PCDHA2: variants seen among roughly 807,000 people sequenced by gnomAD.
PCDHA2 encodes protocadherin alpha-2.
Under a neutral mutation model 66.0 loss-of-function variants are expected in PCDHA2, and 58 were observed. The ratio of observed to expected loss-of-function variants is 0.88; its 90% CI spans 0.71 to 1.09. The LOEUF is 1.09. Among genes scored for constraint, PCDHA2 ranks in the 50% least tolerant of loss-of-function variants. The pLI is 0.00. For synonymous variants in PCDHA2, 634 were observed against 554.0 expected (o/e 1.14, Z -2.03); for missense variants, 1,267 against 1,242.3 (o/e 1.02, Z -0.30).
chr5:140,925,108 G>GGAAGGAAGGAAGGAA (rs1554202548), intron 1 of PCDHA2, among the ~76,000 whole-genome samples: 36 of 124,780 alleles, frequency 2.9e-4, no homozygotes, highest in African/African-American at 1.2e-3. Context: ...GAAGGAAGGA[G>GGAAGGAAGGAAGGAA]GGAAGGAAGG....
intron 1 of PCDHA2, among the ~76,000 whole-genome samples, chr5:140,873,389 T>C (rs2054266406): frequency 6.6e-6 from 1 of 152,220 alleles, no homozygotes; most frequent in Admixed American, 6.5e-5. Flanking sequence ...GACTTGGGAA[T>C]GTTTTCAGTA....
chr5:140,895,905 G>A (rs987746254), intron 1 of PCDHA2, among the ~76,000 whole-genome samples: 4 of 152,076 alleles, frequency 2.6e-5, no homozygotes, highest in Admixed American at 1.3e-4. Context: ...TCCGCGTCCC[G>A]GGCTCAACAA....
chr5:140,922,605 A>G (rs1328283001), intron 1 of PCDHA2, among the ~76,000 whole-genome samples: 2 of 152,258 alleles, frequency 1.3e-5, no homozygotes, highest in African/African-American at 4.8e-5. Flanking sequence ...AGTTGAAGAT[A>G]TATTAAAACT....
chr5:140,927,245 A>G (rs1197319664), intron 1 of PCDHA2: 6 of 1,613,948 alleles, frequency 3.7e-6, no homozygotes, highest in South Asian at 2.2e-5. Flanking sequence ...CTGGACACCA[A>G]TGACAACTCA....
In PCDHA2 at chr5:140,795,597, A is replaced by G; in HGVS notation, c.633A>G (p.Leu211=). 6.2e-7 allele frequency: 1 copy of G among 1,614,128 alleles called. No homozygotes were observed. The highest frequency in any genetic ancestry group is 8.5e-7 in the Non-Finnish European group (1 of 1,180,016). The change falls in exon 1 of 4, where the codon TTA becomes TTG. Residue 211 remains leucine, a synonymous_variant. Transcript: ENST00000526136. ...DREETAEVNL[L]LVATDGGKPE... Reference sequence around the variant, plus strand: ...AGGAAACTGCTGAGGTTAATTTGTTACTGGTGGCTACTGATGGGGGCAAAC... The same window carrying G: ...AGGAAACTGCTGAGGTTAATTTGTTGCTGGTGGCTACTGATGGGGGCAAAC...
rs782435677 is a variant in PCDHA2 at position 140,795,093 on chromosome 5, C to G, written c.129C>G (p.Thr43=). 2 of 1,614,026 alleles carry G rather than the reference C, an allele frequency of 1.2e-6. No homozygotes were observed. The highest frequency in any genetic ancestry group is 1.7e-5 in the Admixed American group (1 of 60,026). The part of the protein sequence containing the change: ...YSVPEEAKHG[T]FVGRIAQDLG... ...TCCCCGAGGAGGCCAAACACGGCACCTTCGTGGGCCGCATCGCGCAGGACC... is the reference window on the plus strand; with the variant it reads ...TCCCCGAGGAGGCCAAACACGGCACGTTCGTGGGCCGCATCGCGCAGGACC... The change falls in exon 1 of 4, where the codon ACC becomes ACG. Residue 43 remains threonine, a synonymous_variant. Coordinates refer to ENST00000526136, the MANE Select transcript of PCDHA2 (RefSeq NM_018905.3).
At chr5:140,853,957 G>C in intron 1 of PCDHA2, 1 of 736,982 alleles carries the variant, frequency 1.4e-6, no homozygotes. Flanking sequence ...TCCCTTCCTT[G>C]AGCCCAGCAG....
At chr5:140,963,531 TTTAC>T (rs1391697303) in intron 1 of PCDHA2, among the ~76,000 whole-genome samples, 2 of 152,218 alleles carry the variant, frequency 1.3e-5, no homozygotes, top group African/African-American at 4.8e-5. Flanking sequence ...AGAAGTCCCA[TTTAC>T]TTCATGATAT....
At chr5:140,834,300 C>T (rs111598234) in intron 1 of PCDHA2, 1 of 1,283,798 alleles carries the variant, frequency 7.8e-7, no homozygotes, top group Non-Finnish European at 1.1e-6. Context: ...GGCCACACAT[C>T]GAGATTGAAA....
chr5:140,981,794 T>G (rs1290588653), intron 2 of PCDHA2, among the ~76,000 whole-genome samples: 2 of 152,150 alleles, frequency 1.3e-5, no homozygotes, highest in Non-Finnish European at 2.9e-5. Flanking sequence ...CTCTTTTCCC[T>G]TGAACAGTTT....
At chr5:140,975,847 C>T (rs895067113) in intron 1 of PCDHA2, among the ~76,000 whole-genome samples, 1 of 152,100 alleles carries the variant, frequency 6.6e-6, no homozygotes, top group East Asian at 1.9e-4. Flanking sequence ...TTCAGTAATA[C>T]TACATCACCC....
chr5:140,941,255 C>CTTTCTTTTTCTT (rs782490896), intron 1 of PCDHA2, among the ~76,000 whole-genome samples: 1 of 44,508 alleles, frequency 2.2e-5, no homozygotes, highest in Non-Finnish European at 5.1e-5. Context: ...TTCTTTCTTT[C>CTTTCTTTTTCTT]TCTTTCTTTC....
rs1456714222 is a variant in PCDHA2 at position 140,825,839 on chromosome 5, A to G, written c.2388+28487A>G. 5.2e-5 allele frequency: 8 copies of G among 152,498 alleles called. No individual in the cohort carries two copies. The East Asian group carries it at 1.5e-3, about 29-fold the overall frequency. 9.4% of individuals were successfully genotyped at this position (152,498 alleles called of 1,614,324 possible). On this transcript the variant is annotated intron_variant, in intron 1 of 3. Transcript: ENST00000526136. ...ACTTTTAGATTAAAAAAATAAATAT[A>G]CCATGATACAAACTCCCCTCTTGAG...
intron 1 of PCDHA2, among the ~76,000 whole-genome samples, chr5:140,872,172 T>G (rs912989922): frequency 6.6e-6 from 1 of 152,230 alleles, no homozygotes; most frequent in Non-Finnish European, 1.5e-5. Flanking sequence ...TTTCTTTTTT[T>G]TTTTTACAGT....
intron 1 of PCDHA2, chr5:140,930,415 G>T (rs2086824319): frequency 6.6e-6 from 1 of 151,804 alleles, no homozygotes; most frequent in African/African-American, 2.4e-5. Flanking sequence ...TGAGACAGGG[G>T]TCTCACTATG....
chr5:140,912,163 G>T (rs1018826504), intron 1 of PCDHA2, among the ~76,000 whole-genome samples: 4 of 152,092 alleles, frequency 2.6e-5, no homozygotes, highest in African/African-American at 9.7e-5. Context: ...TTTTATTCTG[G>T]CTGTGCTGGC....
At chr5:140,864,008 A>G (rs1481887604) in intron 1 of PCDHA2, 3 of 153,088 alleles carry the variant, frequency 2.0e-5, no homozygotes, top group African/African-American at 7.2e-5. Flanking sequence ...CTTAAAAAAA[A>G]AAGTACATTG....
In PCDHA2 at chr5:140,805,522, C is replaced by G. The variant is rs548856150; in HGVS notation, c.2388+8170C>G. 2,936 of 986,646 alleles carry G rather than the reference C, an allele frequency of 3.0e-3. 6 individuals carry two copies. Among genetic ancestry groups the G allele is most frequent in the Middle Eastern group, 4.7e-3 (9 of 1,926 alleles). The allele number at this position is 986,646 out of a possible 1,614,324, so 61.1% of individuals were successfully genotyped here. On this transcript the variant is annotated intron_variant, in intron 1 of 3. Coordinates refer to ENST00000526136, the MANE Select transcript of PCDHA2 (RefSeq NM_018905.3). ...TCACTAGATTGATTTTTTGTTTAGACAAACAGGATGAAAATAACTTTATGG... is the reference window on the plus strand; with the variant it reads ...TCACTAGATTGATTTTTTGTTTAGAGAAACAGGATGAAAATAACTTTATGG...
chr5:140,805,036 C>T (rs1554123201), intron 1 of PCDHA2: 1 of 1,584,604 alleles, frequency 6.3e-7, no homozygotes, highest in East Asian at 2.2e-5. Flanking sequence ...ATAATAGAGT[C>T]AGCCAAAGTA....
Sources: gnomAD v4.1 joint callset for allele counts (sites outside exome capture counted in the v4.1 genomes callset) on GRCh38, gnomAD v4.1.1 for gene constraint, MANE v1.5 for transcripts, NCBI Gene and HGNC (gene_info 2026-07-23, HGNC 2026-07-21) for gene names.